The following RALGAPA1 variants were observed in gnomAD, a reference collection of about 807,000 sequenced individuals.
RALGAPA1 encodes the protein ral GTPase-activating protein subunit alpha-1.
A neutral mutation model predicts 269.6 loss-of-function variants in RALGAPA1; 52 were observed. The observed-to-expected ratio is 0.19, with a 90% CI of 0.15 to 0.24. RALGAPA1 has a LOEUF of 0.24. Ranked by LOEUF, RALGAPA1 falls within the 10% of genes least tolerant of loss-of-function variation. The pLI, the probability that RALGAPA1 is intolerant of heterozygous loss-of-function variation, is 1.00. For missense variants in RALGAPA1, 1,917 were observed against 3,013.9 expected, an observed-to-expected ratio of 0.64 and a Z score of 8.52; for synonymous variants, 817 against 1,008.3, an observed-to-expected ratio of 0.81 and a Z score of 3.60.
chr14:35,616,775 G>C (rs2060280067), intron 35 of RALGAPA1, among the ~76,000 whole-genome samples: 1 of 152,146 alleles, frequency 6.6e-6, no homozygotes, highest in Non-Finnish European at 1.5e-5. Flanking sequence ...AAGAACTTTA[G>C]ACTTGATGGT....
chr14:35,568,374 A>G (rs1310511339), intron 39 of RALGAPA1, among the ~76,000 whole-genome samples: 2 of 152,210 alleles, frequency 1.3e-5, no homozygotes, highest in Admixed American at 1.3e-4. Context: ...TCTGGTCTCA[A>G]GAATTTCAGA....
chr14:35,727,347 A>ATATATATATATG (rs59640063), intron 13 of RALGAPA1, among the ~76,000 whole-genome samples: 2 of 129,294 alleles, frequency 1.5e-5, no homozygotes, highest in African/African-American at 5.6e-5. Context: ...ATATATATAT[A>ATATATATATATG]GTATAATACT....
intron 1 of RALGAPA1, among the ~76,000 whole-genome samples, chr14:35,786,586 C>T (rs1018053738): frequency 3.3e-5 from 5 of 151,778 alleles, no homozygotes; most frequent in African/African-American, 7.3e-5. Flanking sequence ...TGCAGTGAGC[C>T]GGGATCACAC....
intron 39 of RALGAPA1, among the ~76,000 whole-genome samples, chr14:35,566,867 TTATA>T (rs35308714): frequency 4.8e-5 from 7 of 145,232 alleles, no homozygotes; most frequent in African/African-American, 1.3e-4. Context: ...ACTTTGTACA[TTATA>T]TATATATATA....
intron 5 of RALGAPA1, among the ~76,000 whole-genome samples, chr14:35,761,569 T>A (rs1031023852): frequency 1.3e-5 from 2 of 152,224 alleles, no homozygotes; most frequent in African/African-American, 4.8e-5. Flanking sequence ...GTACTTATTA[T>A]TTGATTCTAA....
intron 1 of RALGAPA1, among the ~76,000 whole-genome samples, chr14:35,807,062 G>C (rs948818351): frequency 7.2e-5 from 11 of 152,086 alleles, no homozygotes; most frequent in Non-Finnish European, 8.8e-5. Flanking sequence ...TGCCAAAAAA[G>C]TATATATAAA....
intron 36 of RALGAPA1, among the ~76,000 whole-genome samples, chr14:35,600,444 C>G (rs1407394235): frequency 6.6e-6 from 1 of 151,854 alleles, no homozygotes; most frequent in Non-Finnish European, 1.5e-5. Context: ...GTTGCCCAGG[C>G]TGGTCTCAAA....
chr14:35,616,514 T>C (rs1230980936), intron 35 of RALGAPA1, among the ~76,000 whole-genome samples: 3 of 152,310 alleles, frequency 2.0e-5, no homozygotes, highest in South Asian at 2.1e-4. Flanking sequence ...ACGCTAATGG[T>C]AGATACATGT....
chr14:35,592,684 G>A (rs977044323), intron 37 of RALGAPA1, among the ~76,000 whole-genome samples: 1 of 152,094 alleles, frequency 6.6e-6, no homozygotes, highest in Non-Finnish European at 1.5e-5. Flanking sequence ...CCTGGCATGC[G>A]AGGCTGATTT....
intron 1 of RALGAPA1, among the ~76,000 whole-genome samples, chr14:35,778,584 G>A (rs896931423): frequency 1.3e-5 from 2 of 152,142 alleles, no homozygotes; most frequent in Non-Finnish European, 2.9e-5. Flanking sequence ...TTGGCACAAT[G>A]CTGAGCAAAC....
In RALGAPA1 at chr14:35,548,556, A is replaced by G. The variant is rs1307521032; in HGVS notation, c.7622-18T>C. 1.3e-6 allele frequency: 2 copies of G among 1,539,404 alleles called. No homozygotes were observed. Among genetic ancestry groups the G allele is most frequent in the East Asian group, 4.6e-5 (2 of 43,418 alleles). On this transcript the variant is annotated intron_variant, in intron 40 of 41. Coordinates refer to ENST00000680220, the MANE Select transcript of RALGAPA1 (RefSeq NM_001346249.2). ...TTAATGATCTAAAGAGGGAAAATAAATGAAACAATCATAAGGAGAGCAAGA... is the reference window on the plus strand; with the variant it reads ...TTAATGATCTAAAGAGGGAAAATAAGTGAAACAATCATAAGGAGAGCAAGA...
intron 35 of RALGAPA1, among the ~76,000 whole-genome samples, chr14:35,617,958 C>T (rs994683877): frequency 1.3e-5 from 2 of 151,852 alleles, no homozygotes; most frequent in Non-Finnish European, 2.9e-5. Flanking sequence ...CTACTAGTAT[C>T]TATTTAGAAG....
chr14:35,602,987 GA>G (rs1316334982), intron 36 of RALGAPA1, among the ~76,000 whole-genome samples: 14 of 152,166 alleles, frequency 9.2e-5, no homozygotes, highest in African/African-American at 3.4e-4. Context: ...ACCATTTGTT[GA>G]AAAGACTATT....
At chr14:35,570,778 A>G in intron 38 of RALGAPA1, 34 bp from the exon 39 acceptor site, 1 of 1,569,206 alleles carries the variant, frequency 6.4e-7, no homozygotes, top group Non-Finnish European at 8.6e-7. Flanking sequence ...TTTTACATTC[A>G]AATTACAGAC....
At chr14:35,790,953 G>A (rs949796727) in intron 1 of RALGAPA1, among the ~76,000 whole-genome samples, 5 of 152,124 alleles carry the variant, frequency 3.3e-5, no homozygotes, top group African/African-American at 1.2e-4. Context: ...TCTATTAAAA[G>A]TCCTTAAAAT....
intron 31 of RALGAPA1, among the ~76,000 whole-genome samples, chr14:35,638,242 A>G (rs1332282980): frequency 6.6e-6 from 1 of 152,214 alleles, no homozygotes; most frequent in African/African-American, 2.4e-5. Flanking sequence ...ATGAACCAAT[A>G]AAAAATAATA....
At chr14:35,540,766 A>G (rs1353748066) in intron 41 of RALGAPA1, among the ~76,000 whole-genome samples, 1 of 152,202 alleles carries the variant, frequency 6.6e-6, no homozygotes, top group Non-Finnish European at 1.5e-5. Flanking sequence ...GTGTTTTACA[A>G]ACAAAAACAC....
intron 3 of RALGAPA1, among the ~76,000 whole-genome samples, chr14:35,774,058 C>T (rs899941464): frequency 1.1e-4 from 17 of 151,892 alleles, no homozygotes; most frequent in South Asian, 4.2e-4. Flanking sequence ...GCACTACAAG[C>T]GCCTGCCACC....
chr14:35,769,065 T>TATATATATATATATACAC (rs1237249622), intron 4 of RALGAPA1, among the ~76,000 whole-genome samples: 1 of 77,794 alleles, frequency 1.3e-5, no homozygotes, highest in African/African-American at 4.6e-5. Context: ...TATATATATA[T>TATATATATATATATACAC]ACACACACAT....
Sources: allele counts gnomAD v4.1 joint callset (sites outside exome capture counted in the v4.1 genomes callset), GRCh38; gene constraint gnomAD v4.1.1; transcripts MANE v1.5; gene names NCBI Gene and HGNC (gene_info 2026-07-23, HGNC 2026-07-21).